Variants in ZNF667 observed in about 807,000 individuals in gnomAD.
The protein encoded by ZNF667 is zinc finger protein 667.
In ZNF667, 13 loss-of-function variants were observed where a neutral mutation model predicts 31.8. The observed-to-expected ratio is 0.41, with a 90% CI of 0.27 to 0.65. ZNF667 has a LOEUF of 0.65. Among genes scored for constraint, ZNF667 ranks in the 30% least tolerant of loss-of-function variants. ZNF667 has a pLI of 0.32. For synonymous variants in ZNF667, 228 were observed against 247.1 expected (o/e 0.92, Z 0.73); for missense variants, 642 against 725.6 (o/e 0.88, Z 1.32).
intron 5 of ZNF667, 106 bp from the exon 6 acceptor site, chr19:56,458,353 C>A: frequency 1.1e-6 from 1 of 889,520 alleles, no homozygotes; most frequent in Non-Finnish European, 1.8e-6. Context: ...ATGAAGGGAG[C>A]ACAGAGGATG....
chr19:56,470,070 G>A (rs1340211216), intron 3 of ZNF667: 1 of 455,810 alleles, frequency 2.2e-6, no homozygotes, highest in Admixed American at 2.3e-5. Flanking sequence ...GCAGCTGTGT[G>A]ACCTTGGGCA....
chr19:56,456,588 C>T (rs1367618798), intron 6 of ZNF667, among the ~76,000 whole-genome samples: 1 of 152,070 alleles, frequency 6.6e-6, no homozygotes, highest in East Asian at 1.9e-4. Flanking sequence ...TAGAGCTCCC[C>T]CTCTGTGACT....
chr19:56,442,045 T>C lies in ZNF667; in HGVS notation c.950A>G (p.Gln317Arg). The C allele has an allele frequency of 1.2e-6, 2 of 1,614,184 alleles. No homozygotes were observed. The highest frequency in any genetic ancestry group is 1.7e-6 in the Non-Finnish European group (2 of 1,180,028). Residue 317 changes from glutamine to arginine, a missense_variant, in exon 7 of 7, where the codon CAG becomes CGG. By Grantham distance (43) the Gln-to-Arg change is conservative. Transcript: ENST00000504904. ...ATGGTGACTTCTTTGCTGTAGACTCTGACTTAAGGCCTTCGCATTTTCAGG... is the reference window on the plus strand; with the variant it reads ...ATGGTGACTTCTTTGCTGTAGACTCCGACTTAAGGCCTTCGCATTTTCAGG... ...KIPENAKALS[Q>R]SLQQRSHHLE...
intron 6 of ZNF667, among the ~76,000 whole-genome samples, chr19:56,443,895 G>A (rs919459391): frequency 6.6e-6 from 1 of 152,146 alleles, no homozygotes; most frequent in African/African-American, 2.4e-5. Flanking sequence ...AATGTGGCAT[G>A]ATAAACACAG....
chr19:56,467,834 C>T (rs1190489120), intron 3 of ZNF667: 1 of 152,126 alleles, frequency 6.6e-6, no homozygotes, highest in African/African-American at 2.4e-5. Context: ...CCATGCCTTC[C>T]TTGGGAACCC....
At chr19:56,455,594 A>G (rs1269335601) in intron 6 of ZNF667, among the ~76,000 whole-genome samples, 2 of 152,194 alleles carry the variant, frequency 1.3e-5, no homozygotes, top group South Asian at 4.1e-4. Context: ...TGGATATAAG[A>G]GAGTAGAAGG....
At chr19:56,465,729 CAT>C (rs1221749882) in intron 3 of ZNF667, among the ~76,000 whole-genome samples, 1 of 152,208 alleles carries the variant, frequency 6.6e-6, no homozygotes, top group Admixed American at 6.5e-5. Context: ...CCCCTCTGCC[CAT>C]GTCAGAGGAA....
chr19:56,455,264 G>T (rs1475450694), intron 6 of ZNF667, among the ~76,000 whole-genome samples: 1 of 152,078 alleles, frequency 6.6e-6, no homozygotes, highest in Non-Finnish European at 1.5e-5. Context: ...GTATGGGGGG[G>T]TTCCTCAAAA....
intron 5 of ZNF667, among the ~76,000 whole-genome samples, chr19:56,459,902 G>A (rs974774543): frequency 2.6e-5 from 4 of 152,080 alleles, no homozygotes; most frequent in Non-Finnish European, 1.5e-5. Flanking sequence ...TGAGGCAGAG[G>A]AATCCCTTGA....
chr19:56,466,307 C>A (rs1384590676), intron 3 of ZNF667, among the ~76,000 whole-genome samples: 1 of 152,194 alleles, frequency 6.6e-6, no homozygotes, highest in Admixed American at 6.5e-5. Context: ...GGTGGCCCTG[C>A]AGACTCCGAA....
At chr19:56,476,295 T>C (rs1413290566) in intron 1 of ZNF667, among the ~76,000 whole-genome samples, 4 of 152,098 alleles carry the variant, frequency 2.6e-5, no homozygotes, top group African/African-American at 9.7e-5. Context: ...TCCACTCAAA[T>C]GTACACATGC....
At chr19:56,443,199 A>C (rs2147669815) in intron 6 of ZNF667, among the ~76,000 whole-genome samples, 1 of 152,260 alleles carries the variant, frequency 6.6e-6, no homozygotes, top group Admixed American at 6.5e-5. Context: ...ATGGTTACAC[A>C]CTCTGTAAAT....
intron 3 of ZNF667, among the ~76,000 whole-genome samples, chr19:56,469,746 T>C (rs1326750899): frequency 6.6e-6 from 1 of 152,264 alleles, no homozygotes; most frequent in Non-Finnish European, 1.5e-5. Context: ...TTGCTTATTA[T>C]GCTTACTGTC....
chr19:56,473,508 A>G (rs1848736004), intron 2 of ZNF667, among the ~76,000 whole-genome samples: 2 of 152,252 alleles, frequency 1.3e-5, no homozygotes, highest in African/African-American at 4.8e-5. Flanking sequence ...ACCACATATT[A>G]AAAGAAACAA....
At chr19:56,447,798 A>G (rs2042736373) in intron 6 of ZNF667, among the ~76,000 whole-genome samples, 1 of 151,860 alleles carries the variant, frequency 6.6e-6, no homozygotes, top group Non-Finnish European at 1.5e-5. Flanking sequence ...GGAGAATTGC[A>G]TGAACCCAGG....
chr19:56,442,302 C>A lies in ZNF667; in HGVS notation c.693G>T (p.Gly231=). 6.2e-7 allele frequency: 1 copy of A among 1,613,986 alleles called. No individual in the cohort carries two copies. The highest frequency in any genetic ancestry group is 1.1e-5 in the South Asian group (1 of 91,062). Residue 231 remains glycine, a synonymous_variant, in exon 7 of 7, where the codon GGG becomes GGT. Coordinates refer to ENST00000504904, the MANE Select transcript of ZNF667 (RefSeq NM_001321356.2). ...IHDGKEILDC[G]KALSQCQSFN... ...AAGACTGACATTGACTCAAGGCCTT[C>A]CCACAGTCAAGAATTTCCTTTCCAT...
At chr19:56,450,628 C>G (rs2042802814) in intron 6 of ZNF667, among the ~76,000 whole-genome samples, 1 of 152,058 alleles carries the variant, frequency 6.6e-6, no homozygotes, top group Non-Finnish European at 1.5e-5. Context: ...AGTAGGAAGA[C>G]TAAAAGACGG....
chr19:56,467,816 T>C (rs1327397904), intron 3 of ZNF667: 4 of 152,212 alleles, frequency 2.6e-5, no homozygotes, highest in Non-Finnish European at 5.9e-5. Flanking sequence ...TGAGGTGGTG[T>C]GGAGCTTCCA....
chr19:56,464,321 C>G (rs2043113066), intron 3 of ZNF667, among the ~76,000 whole-genome samples: 1 of 152,172 alleles, frequency 6.6e-6, no homozygotes, highest in Non-Finnish European at 1.5e-5. Context: ...TAGTGAGACC[C>G]TGTCTCTATA....
Sources: gnomAD v4.1 joint callset for allele counts (sites outside exome capture counted in the v4.1 genomes callset) on GRCh38, gnomAD v4.1.1 for gene constraint, MANE v1.5 for transcripts, NCBI Gene and HGNC (gene_info 2026-07-23, HGNC 2026-07-21) for gene names.